The following NT5DC1 variants were observed in gnomAD, a reference collection of about 807,000 sequenced individuals.
NT5DC1 encodes 5'-nucleotidase domain-containing protein 1.
A neutral mutation model predicts 59.4 loss-of-function variants in NT5DC1; 42 were observed. The observed-to-expected ratio is 0.71, with a 90% confidence interval of 0.55 to 0.92. The LOEUF is 0.92. Ranked by LOEUF, NT5DC1 falls within the 40% of genes least tolerant of loss-of-function variation. The probability of loss-of-function intolerance (pLI) is 0.00; values close to 1 mark genes in which losing one functional copy is unlikely to be tolerated. For missense variants in NT5DC1, 501 were observed against 537.1 expected, an observed-to-expected ratio of 0.93 and a Z score of 0.66; for synonymous variants, 172 against 188.1, an observed-to-expected ratio of 0.91 and a Z score of 0.70.
intron 6 of NT5DC1, among the ~76,000 whole-genome samples, chr6:116,141,520 A>G (rs1011561896): frequency 2.0e-5 from 3 of 152,000 alleles, no homozygotes; most frequent in African/African-American, 7.2e-5. Context: ...TGTATATTCA[A>G]GAAAAAACGT....
chr6:116,231,125 A>AC (rs1782010637), intron 8 of NT5DC1, among the ~76,000 whole-genome samples: 1 of 140,830 alleles, frequency 7.1e-6, no homozygotes, highest in Non-Finnish European at 1.5e-5. Context: ...AAAAAAAAAA[A>AC]AGAACTATGA....
chr6:116,101,791 C>T (rs1042238322), intron 1 of NT5DC1, among the ~76,000 whole-genome samples: 8 of 152,156 alleles, frequency 5.3e-5, no homozygotes, highest in African/African-American at 1.9e-4. Context: ...CCTTTGGTTT[C>T]CCAATTCCCA....
intron 6 of NT5DC1, among the ~76,000 whole-genome samples, chr6:116,171,232 CTT>C (rs1017721025): frequency 6.7e-6 from 1 of 149,514 alleles, no homozygotes; most frequent in Non-Finnish European, 1.5e-5. Flanking sequence ...GTTTTAATCA[CTT>C]AACTTATTTT....
chr6:116,223,701 A>G (rs1781854926), intron 8 of NT5DC1, among the ~76,000 whole-genome samples: 1 of 152,234 alleles, frequency 6.6e-6, no homozygotes, highest in Non-Finnish European at 1.5e-5. Context: ...GGAATAGAGA[A>G]GTTATAGTTT....
At chr6:116,104,595 GCTAC>G (rs1396156314) in intron 1 of NT5DC1, among the ~76,000 whole-genome samples, 1 of 152,184 alleles carries the variant, frequency 6.6e-6, no homozygotes, top group Non-Finnish European at 1.5e-5. Context: ...ATGGGCAAGC[GCTAC>G]CTGTCAGGGC....
At chr6:116,154,136 A>G (rs1371114927) in intron 6 of NT5DC1, among the ~76,000 whole-genome samples, 1 of 151,298 alleles carries the variant, frequency 6.6e-6, no homozygotes, top group Non-Finnish European at 1.5e-5. Flanking sequence ...TTTGTAGTGT[A>G]CTTTTTCCCC....
intron 6 of NT5DC1, among the ~76,000 whole-genome samples, chr6:116,190,776 C>T (rs894765676): frequency 2.6e-5 from 4 of 151,966 alleles, no homozygotes; most frequent in African/African-American, 9.7e-5. Flanking sequence ...TGGAAAGAAT[C>T]GTTCTGCTGA....
At chr6:116,162,445 G>A (rs1419279727) in intron 6 of NT5DC1, among the ~76,000 whole-genome samples, 1 of 152,094 alleles carries the variant, frequency 6.6e-6, no homozygotes, top group Non-Finnish European at 1.5e-5. Flanking sequence ...TTTCAGTTAT[G>A]TTCCTTTAAT....
At position 116,243,998 on chromosome 6, in the gene NT5DC1, AGT is replaced by A; in HGVS notation, c.1344_1345del (p.Ser448ArgfsTer2). On this transcript the variant is annotated frameshift_variant, in exon 12 of 12. Transcript: ENST00000319550. LOFTEE classifies it high-confidence loss of function. ...TCCAAATCCTCCACTGGTCTTATCA[AGT>A]GATGAGACACTGATATCCAAATAAG... ...YYPNPPLVLS[S>X]DETLISK The A allele has an allele frequency of 6.8e-7, 1 of 1,470,452 alleles. No individual in the cohort carries two copies. The highest frequency in any genetic ancestry group is 9.5e-7 in the Non-Finnish European group (1 of 1,056,178). 91.1% of individuals were successfully genotyped at this position (1,470,452 alleles called of 1,614,324 possible). A position where few individuals can be genotyped will look rare whatever the true frequency, so the allele number is the denominator to read the frequency against.
At chr6:116,145,127 T>C (rs895334421) in intron 6 of NT5DC1, among the ~76,000 whole-genome samples, 1 of 152,204 alleles carries the variant, frequency 6.6e-6, no homozygotes, top group Non-Finnish European at 1.5e-5. Context: ...TCTTGAAGCA[T>C]TATAATAGAT....
chr6:116,179,204 A>G (rs1452346047), intron 6 of NT5DC1, among the ~76,000 whole-genome samples: 1 of 152,180 alleles, frequency 6.6e-6, no homozygotes, highest in African/African-American at 2.4e-5. Context: ...AATAACATAT[A>G]GTAGATATTC....
chr6:116,215,174 G>C (rs1272733279), intron 6 of NT5DC1, among the ~76,000 whole-genome samples: 1 of 152,016 alleles, frequency 6.6e-6, no homozygotes, highest in Non-Finnish European at 1.5e-5. Flanking sequence ...TGGATAATAC[G>C]GAGCACATGA....
intron 6 of NT5DC1, among the ~76,000 whole-genome samples, chr6:116,167,945 A>G (rs945896225): frequency 6.6e-6 from 1 of 152,128 alleles, no homozygotes; most frequent in African/African-American, 2.4e-5. Context: ...TTTCTGCACT[A>G]TAGTCTAGTT....
intron 6 of NT5DC1, among the ~76,000 whole-genome samples, chr6:116,205,902 G>A (rs1295220472): frequency 6.6e-6 from 1 of 151,792 alleles, no homozygotes; most frequent in African/African-American, 2.4e-5. Flanking sequence ...GCCTCTCTAG[G>A]CCTCATTTTC....
intron 6 of NT5DC1, among the ~76,000 whole-genome samples, chr6:116,195,200 TTATAA>T (rs1297173867): frequency 4.6e-5 from 7 of 152,098 alleles, no homozygotes; most frequent in African/African-American, 7.2e-5. Context: ...CATACTGAAG[TTATAA>T]TATAGGCATA....
At chr6:116,130,408 T>C (rs1779430038) in intron 6 of NT5DC1, among the ~76,000 whole-genome samples, 1 of 152,162 alleles carries the variant, frequency 6.6e-6, no homozygotes, top group South Asian at 2.1e-4. Context: ...GCCTCTCCTC[T>C]ACCAGTTGGC....
intron 6 of NT5DC1, among the ~76,000 whole-genome samples, chr6:116,176,673 A>G (rs998181652): frequency 3.0e-4 from 45 of 152,080 alleles, no homozygotes; most frequent in Admixed American, 6.6e-4. Context: ...CCAACCACAT[A>G]TTGTCCTTTA....
intron 8 of NT5DC1, among the ~76,000 whole-genome samples, chr6:116,224,560 C>T (rs1297039353): frequency 2.0e-5 from 3 of 152,174 alleles, no homozygotes; most frequent in African/African-American, 4.8e-5. Flanking sequence ...ACTTGCAAGG[C>T]GAGCCCTAAG....
intron 4 of NT5DC1, among the ~76,000 whole-genome samples, chr6:116,112,082 C>T (rs1778887725): frequency 6.6e-6 from 1 of 152,196 alleles, no homozygotes; most frequent in Non-Finnish European, 1.5e-5. Flanking sequence ...CAGTAAGACA[C>T]ATCTGTTTAC....
Sources: allele counts gnomAD v4.1 joint callset (sites outside exome capture counted in the v4.1 genomes callset), GRCh38; gene constraint gnomAD v4.1.1; transcripts MANE v1.5; gene names NCBI Gene and HGNC (gene_info 2026-07-23, HGNC 2026-07-21).